ATP6V1C2: variants seen among roughly 807,000 people sequenced by gnomAD.
The protein encoded by ATP6V1C2 is V-type proton ATPase subunit C 2.
A neutral mutation model predicts 56.8 loss-of-function variants in ATP6V1C2; 45 were observed. The observed-to-expected ratio is 0.79, with a 90% CI of 0.62 to 1.02. The LOEUF is 1.02. ATP6V1C2 is among the 50% of genes least tolerant of loss of function. The pLI is 0.00. For missense variants in ATP6V1C2, 463 were observed against 519.7 expected, an observed-to-expected ratio of 0.89 and a Z score of 1.06; for synonymous variants, 220 against 201.3, an observed-to-expected ratio of 1.09 and a Z score of -0.79.
At position 10,726,502 on chromosome 2, in the gene ATP6V1C2, G is replaced by T. The variant is rs188491104; in HGVS notation, c.130G>T (p.Val44Leu). 2.5e-6 allele frequency: 4 copies of T among 1,613,826 alleles called. No individual in the cohort carries two copies. The highest frequency in any genetic ancestry group is 1.1e-5 in the South Asian group (1 of 91,072). The change falls in exon 3 of 14, where the codon GTG becomes TTG. Residue 44 changes from valine to leucine, a missense_variant and splice_region_variant. Coordinates refer to ENST00000272238, the MANE Select transcript of ATP6V1C2 (RefSeq NM_001039362.2). ...NTKFAIPDFK[V>L]GTLDSLVGLS... ...TCTGACGTTTTTATGATCTGTCTAG[G>T]TGGGGACCTTGGATTCCCTGGTTGG...
Position 10,775,066 on chromosome 2 carries a change from C to CAGTATGTG in ATP6V1C2, c.825+5_825+12dup. On this transcript the variant is annotated frameshift_variant, in exon 10 of 14. Coordinates refer to ENST00000272238, the MANE Select transcript of ATP6V1C2 (RefSeq NM_001039362.2). LOFTEE classifies it high-confidence loss of function. The stretch of plus-strand genomic sequence containing the variant: ...CAGATTGCTGTCTGATAAGAAGCAA[C>CAGTATGTG]AGTATGTGAGTATGTGATTGAGCAG... The CAGTATGTG allele has an allele frequency of 6.2e-7, 1 of 1,612,852 alleles. No individual in the cohort carries two copies. Among genetic ancestry groups the CAGTATGTG allele is most frequent in the Non-Finnish European group, 8.5e-7 (1 of 1,179,002 alleles).
rs1665590955 is a variant in ATP6V1C2 at position 10,784,347 on chromosome 2, ACT to A, written c.*1085_*1086del. ...GGAAGCTGGGAGACGACAGAAAGCCACTGTTAGATCTGCAGAAGGGGACACCC... is the reference window on the plus strand; with the variant it reads ...GGAAGCTGGGAGACGACAGAAAGCCAGTTAGATCTGCAGAAGGGGACACCC... On this transcript the variant is annotated 3_prime_UTR_variant, in exon 14 of 14. Transcript: ENST00000272238. 6 of 1,606,882 alleles carry A rather than the reference ACT, an allele frequency of 3.7e-6. No individual in the cohort carries two copies. The highest frequency in any genetic ancestry group is 5.1e-6 in the Non-Finnish European group (6 of 1,175,472).
intron 4 of ATP6V1C2, among the ~76,000 whole-genome samples, chr2:10,757,014 T>G (rs1398156761): frequency 3.8e-5 from 5 of 133,144 alleles, no homozygotes; most frequent in East Asian, 2.1e-4. Context: ...TTTTTTTTTT[T>G]TTTTTTTTTT....
Position 10,758,160 on chromosome 2 carries a change from G to A in ATP6V1C2, c.283+4094G>A, listed in dbSNP as rs1474343838. Reference sequence around the variant, plus strand: ...CTGATTTCTCAGAAGGTCACTCCTCGGGCCCGGGACTGCAAGGCTGACTTC... The same window carrying A: ...CTGATTTCTCAGAAGGTCACTCCTCAGGCCCGGGACTGCAAGGCTGACTTC... On this transcript the variant is annotated intron_variant, in intron 4 of 13. Transcript: ENST00000272238. Among the ~76,000 whole-genome samples, 4 of 152,090 alleles carry A rather than the reference G, an allele frequency of 2.6e-5. No individual in the cohort carries two copies. The East Asian group carries it at 5.8e-4, about 22-fold the overall frequency.
At position 10,780,901 on chromosome 2, in the gene ATP6V1C2, C is replaced by T. The variant is rs747135592; in HGVS notation, c.1062-1342C>T. Among the ~76,000 whole-genome samples the T allele has an allele frequency of 5.0e-4, 76 of 152,104 alleles. No individual in the cohort carries two copies. Among genetic ancestry groups the T allele is most frequent in the Non-Finnish European group, 8.4e-4 (57 of 68,020 alleles). ...CTGGGATTACAGGCGTGCACCACCA[C>T]GCCCAGCTAATTTTTGTAATTTTAG... On this transcript the variant is annotated intron_variant, in intron 12 of 13. Transcript: ENST00000272238. This position sits in a 1 kb window ranked among gnomAD's most constrained non-coding sequence, Gnocchi z 4.1.
chr2:10,774,284 G>A (rs1664815892), intron 8 of ATP6V1C2, among the ~76,000 whole-genome samples: 1 of 152,246 alleles, frequency 6.6e-6, no homozygotes, highest in Admixed American at 6.5e-5. Context: ...ACTCAGAGAT[G>A]CTTAGACTCC....
chr2:10,769,486 G>C (rs970966498), intron 6 of ATP6V1C2, among the ~76,000 whole-genome samples: 1 of 151,912 alleles, frequency 6.6e-6, no homozygotes, highest in African/African-American at 2.4e-5. Context: ...GGCGGATTAC[G>C]TGAGGCCAAA....
intron 3 of ATP6V1C2, among the ~76,000 whole-genome samples, chr2:10,734,594 C>T (rs1662153554): frequency 6.6e-6 from 1 of 152,024 alleles, no homozygotes; most frequent in Admixed American, 6.6e-5. Flanking sequence ...GAAACAGGCC[C>T]AGAGAGAAGA....
At chr2:10,772,022 G>A (rs1432958111) in intron 7 of ATP6V1C2, 85 bp downstream of exon 7, 13 of 1,202,614 alleles carry the variant, frequency 1.1e-5, no homozygotes, top group Non-Finnish European at 1.5e-5. Flanking sequence ...CAGTGTGGAC[G>A]AGGATGCTCC....
rs948019692 is a variant in ATP6V1C2 at position 10,780,250 on chromosome 2, A to T, written c.1061+1581A>T. On this transcript the variant is annotated intron_variant, in intron 12 of 13. Transcript: ENST00000272238. This position sits in a 1 kb window ranked among gnomAD's most constrained non-coding sequence, Gnocchi z 4.1. Reference sequence around the variant, plus strand: ...CAGTGGCCTCCTCATCCTTCCCCTTATCAGACCCCAAACTTCAGGGTCAGT... The same window carrying T: ...CAGTGGCCTCCTCATCCTTCCCCTTTTCAGACCCCAAACTTCAGGGTCAGT... Among the ~76,000 whole-genome samples the T allele has an allele frequency of 1.3e-5, 2 of 151,712 alleles. No homozygotes were observed. Among genetic ancestry groups the T allele is most frequent in the African/African-American group, 4.8e-5 (2 of 41,276 alleles).
Position 10,783,249 on chromosome 2 carries a change from AGTC to A in ATP6V1C2, c.1271_1273del (p.Ser424_Leu425delinsIle), listed in dbSNP as rs1283217976. ...TTATGTCTACTTCCATATTGACCTT[AGTC>A]TTCTTGACTAGAAAGGCCAGCTGGC... On this transcript the variant is annotated inframe_deletion, in exon 14 of 14. Transcript: ENST00000272238. The A allele has an allele frequency of 7.4e-6, 12 of 1,612,916 alleles. No homozygotes were observed. The highest frequency in any genetic ancestry group is 8.5e-6 in the Non-Finnish European group (10 of 1,179,044).
intron 2 of ATP6V1C2, among the ~76,000 whole-genome samples, chr2:10,725,075 G>T (rs1273447532): frequency 6.6e-6 from 1 of 151,912 alleles, no homozygotes; most frequent in East Asian, 1.9e-4. Flanking sequence ...TCTGTGAAAA[G>T]ACCTTTAAAT....
intron 3 of ATP6V1C2, among the ~76,000 whole-genome samples, chr2:10,735,652 A>G (rs972238315): frequency 8.0e-5 from 12 of 149,296 alleles, no homozygotes; most frequent in Non-Finnish European, 1.6e-4. Flanking sequence ...AGTGTTAGTC[A>G]TGATCACAGC....
At chr2:10,752,619 C>T (rs1663284377) in intron 3 of ATP6V1C2, among the ~76,000 whole-genome samples, 1 of 152,158 alleles carries the variant, frequency 6.6e-6, no homozygotes, top group Non-Finnish European at 1.5e-5. Flanking sequence ...TTGGTTATGT[C>T]AATATTCATA....
rs578163655 is a variant in ATP6V1C2 at position 10,738,948 on chromosome 2, C to T, written c.197+12379C>T. The stretch of plus-strand genomic sequence containing the variant: ...CTTCTCAGCACGTCCATCGAAGCCA[C>T]CTTCATTGCGTTCCTGTGTTTTTGC... On this transcript the variant is annotated intron_variant, in intron 3 of 13. Transcript: ENST00000272238. Among the ~76,000 whole-genome samples, 8 of 152,328 alleles carry T rather than the reference C, an allele frequency of 5.3e-5. No individual in the cohort carries two copies. The South Asian group carries it at 8.3e-4, about 16-fold the overall frequency.
intron 2 of ATP6V1C2, among the ~76,000 whole-genome samples, chr2:10,723,512 A>G (rs1184556424): frequency 6.6e-6 from 1 of 151,962 alleles, no homozygotes; most frequent in African/African-American, 2.4e-5. Flanking sequence ...GGGTTCTTGG[A>G]GTGGAGGGCA....
rs1474755358 is a variant in ATP6V1C2 at position 10,771,891 on chromosome 2, G to C, written c.523G>C (p.Val175Leu). The part of the protein sequence containing the change: ...LSDIVSKEDF[V>L]LDSEYLVTLL... ...TGATATTGTGAGCAAAGAGGACTTC[G>C]TGCTGGATTCTGAATATCTCGTCAC... Residue 175 changes from valine (V) to leucine (L), a missense_variant, in exon 7 of 14, where the codon GTG becomes CTG. Physicochemically the swap from Val to Leu is conservative, Grantham distance 32. Transcript: ENST00000272238. 1 of 1,614,180 alleles carries C rather than the reference G, an allele frequency of 6.2e-7. No homozygotes were observed. The highest frequency in any genetic ancestry group is 1.1e-5 in the South Asian group (1 of 91,086).
intron 8 of ATP6V1C2, among the ~76,000 whole-genome samples, chr2:10,774,256 A>G (rs1664813947): frequency 6.6e-6 from 1 of 152,120 alleles, no homozygotes; most frequent in Non-Finnish European, 1.5e-5. Flanking sequence ...TCCCACTTCC[A>G]GTCTTCTGGC....
In ATP6V1C2 at chr2:10,744,000, AT is replaced by A. The variant is rs1416072620; in HGVS notation, c.198-9980del. Among the ~76,000 whole-genome samples the A allele has an allele frequency of 2.3e-4, 32 of 139,508 alleles. 1 individual carries two copies. Among genetic ancestry groups the A allele is most frequent in the African/African-American group, 8.3e-4 (30 of 36,078 alleles). 91.5% of individuals were successfully genotyped at this position (139,508 alleles called of 152,430 possible). On this transcript the variant is annotated intron_variant, in intron 3 of 13. Coordinates refer to ENST00000272238, the MANE Select transcript of ATP6V1C2 (RefSeq NM_001039362.2). ...CAGTCTCAAAAAAAAAAAAAAAATA[AT>A]AATAATAAATAAATAAATAAATAAA...
Sources: gnomAD v4.1 joint callset for allele counts (sites outside exome capture counted in the v4.1 genomes callset) on GRCh38, gnomAD v4.1.1 for gene constraint, Gnocchi (gnomAD v3.1) non-coding constraint, MANE v1.5 for transcripts, NCBI Gene and HGNC (gene_info 2026-07-23, HGNC 2026-07-21) for gene names.